The following SOX6 variants were observed in gnomAD, a reference collection of about 807,000 sequenced individuals.
The protein encoded by SOX6 is transcription factor SOX-6.
A neutral mutation model predicts 97.8 loss-of-function variants in SOX6; 11 were observed. That is an observed-to-expected ratio of 0.11 (90% CI 0.07 to 0.19). The LOEUF is 0.19. SOX6 is among the 10% of genes least tolerant of loss of function. The probability of loss-of-function intolerance (pLI) is 1.00; values close to 1 mark genes in which losing one functional copy is unlikely to be tolerated. For synonymous variants in SOX6, 360 were observed against 371.4 expected (o/e 0.97, Z 0.35); for missense variants, 810 against 1,039.5 (o/e 0.78, Z 3.04).
At chr11:16,443,697 T>C (rs1859554477) in intron 1 of SOX6, among the ~76,000 whole-genome samples, 1 of 152,212 alleles carries the variant, frequency 6.6e-6, no homozygotes, top group Non-Finnish European at 1.5e-5. Flanking sequence ...TAGTGCCCAA[T>C]ATGTAGTGTC....
rs528759589 is a variant in SOX6, at chr11:16,600,228, G to C, written n.609+11853C>G. 7.2e-4 allele frequency among the ~76,000 whole-genome samples: 109 copies of C among 152,288 alleles called. 4 individuals carry two copies. The South Asian group carries it at 0.022, about 30-fold the overall frequency. On this transcript the variant is annotated intron_variant and non_coding_transcript_variant, in intron 4 of 5. Coordinates refer to the SOX6 transcript ENST00000524520. ...GATATATTGCCTTTGATATGGAAATGTTCTTCTTCTCTCATCTTCACATAT... is the reference window on the plus strand; with the variant it reads ...GATATATTGCCTTTGATATGGAAATCTTCTTCTTCTCTCATCTTCACATAT...
rs372181444 is a variant in SOX6 at position 16,296,856 on chromosome 11, A to G, written c.445+21590T>C. Among the ~76,000 whole-genome samples, 10 of 152,202 alleles carry G rather than the reference A, an allele frequency of 6.6e-5. No homozygotes were observed. In the South Asian group the frequency reaches 2.1e-3, roughly 32 times the overall value. On this transcript the variant is annotated intron_variant, in intron 3 of 15. Transcript: ENST00000683767. ...ATTACTGGGTAATGTTATGGGCACA[A>G]AGATGAAGCAGAAATATAATAGTGG...
chr11:16,120,252 T>C (rs912484300), intron 6 of SOX6, among the ~76,000 whole-genome samples: 17 of 148,042 alleles, frequency 1.1e-4, no homozygotes, highest in Admixed American at 9.5e-4. Context: ...CCTCTCTCTC[T>C]CTCTCTCTGT....
At chr11:16,633,212 CT>C (rs1565199030) in intron 3 of SOX6, among the ~76,000 whole-genome samples, 1 of 152,200 alleles carries the variant, frequency 6.6e-6, no homozygotes, top group Non-Finnish European at 1.5e-5. Context: ...TTGTTGTTTT[CT>C]AATATTTATT....
chr11:16,577,521 T>C (rs2133202631), intron 4 of SOX6, among the ~76,000 whole-genome samples: 1 of 152,330 alleles, frequency 6.6e-6, no homozygotes, highest in South Asian at 2.1e-4. Context: ...TGCACCATTT[T>C]ATATTCTCAT....
At chr11:16,410,105 T>C (rs1476995729) in intron 1 of SOX6, among the ~76,000 whole-genome samples, 2 of 152,106 alleles carry the variant, frequency 1.3e-5, no homozygotes, top group Non-Finnish European at 2.9e-5. Flanking sequence ...GATGGATATG[T>C]TAGTTTGATT....
At chr11:16,129,095 C>T (rs1258789897) in intron 6 of SOX6, among the ~76,000 whole-genome samples, 1 of 150,270 alleles carries the variant, frequency 6.7e-6, no homozygotes, top group African/African-American at 2.4e-5. Flanking sequence ...CTCGAACTCC[C>T]GACCTCAGGT....
chr11:16,423,426 T>G (rs981981439), intron 1 of SOX6, among the ~76,000 whole-genome samples: 1 of 152,152 alleles, frequency 6.6e-6, no homozygotes, highest in Non-Finnish European at 1.5e-5. Context: ...ATAAGATCCT[T>G]GTGACGTTAT....
At chr11:15,988,559 A>G (rs1853938846) in intron 14 of SOX6, among the ~76,000 whole-genome samples, 1 of 152,254 alleles carries the variant, frequency 6.6e-6, no homozygotes, top group African/African-American at 2.4e-5. Context: ...AGTGGGACAT[A>G]TAAACCCAAG....
upstream of SOX6, among the ~76,000 whole-genome samples, chr11:16,479,507 G>T (rs1258286755): frequency 6.6e-6 from 1 of 150,548 alleles, no homozygotes; most frequent in Non-Finnish European, 1.5e-5. Context: ...TCCAACCCGG[G>T]CAACGGAGTG....
At chr11:16,258,804 G>A (rs1853779223) in intron 3 of SOX6, among the ~76,000 whole-genome samples, 2 of 150,874 alleles carry the variant, frequency 1.3e-5, no homozygotes, top group Admixed American at 1.3e-4. Context: ...AGTCTGAGAG[G>A]GAGGGACGGG....
At chr11:16,021,052 A>G (rs1164551440) in intron 12 of SOX6, among the ~76,000 whole-genome samples, 1 of 152,166 alleles carries the variant, frequency 6.6e-6, no homozygotes, top group African/African-American at 2.4e-5. Context: ...TTAGAAGAGC[A>G]CAATAGAAAA....
At chr11:16,019,499 A>G (rs1854989847) in intron 12 of SOX6, among the ~76,000 whole-genome samples, 1 of 152,090 alleles carries the variant, frequency 6.6e-6, no homozygotes, top group African/African-American at 2.4e-5. Flanking sequence ...TATGTGTAAA[A>G]TGCATTATAA....
chr11:16,194,629 C>T (rs1851722919), intron 4 of SOX6, among the ~76,000 whole-genome samples: 1 of 152,040 alleles, frequency 6.6e-6, no homozygotes, highest in African/African-American at 2.4e-5. Context: ...GCAAAAATAC[C>T]CAGGTATTTC....
intron 1 of SOX6, among the ~76,000 whole-genome samples, chr11:16,422,587 T>C (rs996045250): frequency 2.0e-5 from 3 of 152,180 alleles, no homozygotes; most frequent in African/African-American, 7.2e-5. Flanking sequence ...TAATTCGCAC[T>C]CCCTTCACCT....
At chr11:16,147,887 A>C (rs1850352625) in intron 6 of SOX6, among the ~76,000 whole-genome samples, 1 of 152,174 alleles carries the variant, frequency 6.6e-6, no homozygotes. Context: ...ATGACTGTAC[A>C]CCAGAAATAC....
intron 2 of SOX6, among the ~76,000 whole-genome samples, chr11:16,721,521 T>C (rs1848262236): frequency 1.5e-5 from 1 of 65,082 alleles, no homozygotes; most frequent in African/African-American, 6.6e-5. Context: ...TCTCTCTCTC[T>C]CTCTCTCTCT....
chr11:16,141,111 CAA>C (rs763775070), intron 6 of SOX6, among the ~76,000 whole-genome samples: 1,302 of 127,982 alleles, frequency 0.01, 22 homozygotes, highest in African/African-American at 0.034. Flanking sequence ...GACTTCACCT[CAA>C]AAAAAAAAAA....
intron 3 of SOX6, among the ~76,000 whole-genome samples, chr11:16,708,462 A>C (rs996280300): frequency 6.6e-6 from 1 of 152,244 alleles, no homozygotes; most frequent in African/African-American, 2.4e-5. Context: ...AAAAAATTAA[A>C]ACACATAGTT....
Sources: allele counts gnomAD v4.1 joint callset (sites outside exome capture counted in the v4.1 genomes callset), GRCh38; gene constraint gnomAD v4.1.1; transcripts MANE v1.5; gene names NCBI Gene and HGNC (gene_info 2026-07-23, HGNC 2026-07-21).